ADAMTS16: variants seen among roughly 807,000 people sequenced by gnomAD.
ADAMTS16 encodes the protein A disintegrin and metalloproteinase with thrombospondin motifs 16.
ADAMTS16 carries 94 observed loss-of-function variants against 145.8 expected under a neutral mutation model. That is an observed-to-expected ratio of 0.64 (90% confidence interval 0.55 to 0.77). The LOEUF is 0.77. Among genes scored for constraint, ADAMTS16 ranks in the 30% least tolerant of loss-of-function variants. The pLI is 0.00. For synonymous variants in ADAMTS16, 659 were observed against 604.3 expected (o/e 1.09, Z -1.33); for missense variants, 1,585 against 1,591.5 (o/e 1.00, Z 0.07).
intron 2 of ADAMTS16, among the ~76,000 whole-genome samples, chr5:5,144,369 T>A (rs1842235): frequency 0.99 from 151,288 of 152,336 alleles, 75,146 homozygotes; most frequent in Middle Eastern, 1. Flanking sequence ...AGCTCATTAT[T>A]TGATCAACTT....
chr5:5,209,387 C>A, intron 10 of ADAMTS16, 141 bp downstream of exon 10: 2 of 988,030 alleles, frequency 2.0e-6, no homozygotes, highest in Non-Finnish European at 2.9e-6. Context: ...TCCTGTATAA[C>A]GGGAAACACA....
intron 10 of ADAMTS16, among the ~76,000 whole-genome samples, chr5:5,215,607 T>C (rs566003465): frequency 6.6e-6 from 1 of 151,714 alleles, no homozygotes; most frequent in South Asian, 2.1e-4. Flanking sequence ...ATTCCTGAGC[T>C]ACTTCACTTG....
intron 10 of ADAMTS16, among the ~76,000 whole-genome samples, chr5:5,222,432 G>A (rs759780102): frequency 2.6e-5 from 4 of 152,094 alleles, no homozygotes; most frequent in Non-Finnish European, 4.4e-5. Context: ...GGAAGGTGGG[G>A]TTGAGAAGGA....
chr5:5,285,713 G>C (rs1002649624), intron 18 of ADAMTS16, among the ~76,000 whole-genome samples: 1 of 152,194 alleles, frequency 6.6e-6, no homozygotes, highest in African/African-American at 2.4e-5. Flanking sequence ...ATGGTTCAGA[G>C]ACTTGCAATA....
At chr5:5,279,665 T>G (rs1738824315) in intron 18 of ADAMTS16, among the ~76,000 whole-genome samples, 1 of 136,308 alleles carries the variant, frequency 7.3e-6, no homozygotes, top group African/African-American at 2.6e-5. Context: ...TCTCTTTGTC[T>G]TTTTATCTTG....
intron 10 of ADAMTS16, among the ~76,000 whole-genome samples, chr5:5,209,503 T>C (rs1199913946): frequency 2.6e-5 from 4 of 152,172 alleles, no homozygotes; most frequent in African/African-American, 9.7e-5. Context: ...TGATTTATCG[T>C]GTGGGAGCTC....
chr5:5,256,728 A>C (rs1737795678), intron 17 of ADAMTS16, among the ~76,000 whole-genome samples: 1 of 152,242 alleles, frequency 6.6e-6, no homozygotes, highest in South Asian at 2.1e-4. Flanking sequence ...ATGATCATAA[A>C]GGCATGACTC....
intron 8 of ADAMTS16, among the ~76,000 whole-genome samples, chr5:5,198,942 T>C (rs1392818155): frequency 6.6e-6 from 1 of 152,186 alleles, no homozygotes. Context: ...CTTCCCCCTT[T>C]TCTCTGCATC....
intron 11 of ADAMTS16, among the ~76,000 whole-genome samples, chr5:5,228,064 A>G (rs1736819256): frequency 6.6e-6 from 1 of 152,252 alleles, no homozygotes; most frequent in African/African-American, 2.4e-5. Context: ...CTTACATTAA[A>G]AAGGATAAAC....
chr5:5,168,455 A>G (rs1430155953), intron 3 of ADAMTS16, among the ~76,000 whole-genome samples: 2 of 145,188 alleles, frequency 1.4e-5, no homozygotes, highest in Non-Finnish European at 3.0e-5. Context: ...GTTAATGCCT[A>G]GTTTATTTAT....
chr5:5,263,952 G>A lies in ADAMTS16; in HGVS notation c.2789+1169G>A, dbSNP rs544230485. The stretch of plus-strand genomic sequence containing the variant: ...GTGAGGGCGGAGAATTTTATCAAGC[G>A]ATAAAAATAGCTCTCAGCAGAGAGG... On this transcript the variant is annotated intron_variant, in intron 18 of 22. Coordinates refer to ENST00000274181, the MANE Select transcript of ADAMTS16 (RefSeq NM_139056.4). 1.2e-4 allele frequency among the ~76,000 whole-genome samples: 18 copies of A among 152,180 alleles called. No homozygotes were observed. The East Asian group carries it at 1.4e-3, about 11-fold the overall frequency.
intron 1 of ADAMTS16, 47 bp from the exon 2 acceptor site, chr5:5,140,617 C>T (rs755792734): frequency 1.3e-4 from 204 of 1,525,884 alleles, no homozygotes; most frequent in Non-Finnish European, 1.7e-4. Context: ...GGCTCCTCTC[C>T]CGCGGACCCC....
chr5:5,237,711 C>T (rs1400446906), intron 14 of ADAMTS16, among the ~76,000 whole-genome samples: 3 of 152,004 alleles, frequency 2.0e-5, no homozygotes, highest in Non-Finnish European at 4.4e-5. Flanking sequence ...AGAGCCTGGG[C>T]CACTTCGCAG....
At chr5:5,146,965 G>C (rs1299168727) in intron 3 of ADAMTS16, among the ~76,000 whole-genome samples, 1 of 152,118 alleles carries the variant, frequency 6.6e-6, no homozygotes, top group Non-Finnish European at 1.5e-5. Flanking sequence ...GGGCGTTGCT[G>C]GTCTTCCTGG....
At position 5,319,996 on chromosome 5, in the gene ADAMTS16, G is replaced by T. The variant is rs1431688166; in HGVS notation, c.*858G>T. ...CCCTACCATCCTGAGAAGAGTTATG[G>T]TTCTATTATAGCAGACGTCAGCCAC... On this transcript the variant is annotated 3_prime_UTR_variant, in exon 23 of 23. Transcript: ENST00000274181. 2 of 448,424 alleles carry T rather than the reference G, an allele frequency of 4.5e-6. No homozygotes were observed. Among genetic ancestry groups the T allele is most frequent in the African/African-American group, 4.1e-5 (2 of 49,340 alleles). The allele number at this position is 448,424 out of a possible 1,614,324, so 27.8% of individuals were successfully genotyped here. A position where few individuals can be genotyped will look rare whatever the true frequency, so the allele number is the denominator to read the frequency against.
chr5:5,155,307 A>ATTCCTATCCCTGTTTCCCAC (rs1238077190), intron 3 of ADAMTS16, among the ~76,000 whole-genome samples: 2 of 152,152 alleles, frequency 1.3e-5, no homozygotes, highest in African/African-American at 4.8e-5. Context: ...TCCCTGTTTC[A>ATTCCTATCCCTGTTTCCCAC]TTCCTATCCC....
chr5:5,252,084 C>T (rs1418765257), intron 17 of ADAMTS16, among the ~76,000 whole-genome samples: 5 of 152,288 alleles, frequency 3.3e-5, no homozygotes, highest in South Asian at 4.1e-4. Flanking sequence ...CTCCTGACTT[C>T]GTGATCCGCC....
At chr5:5,227,159 C>T (rs536216862) in intron 11 of ADAMTS16, among the ~76,000 whole-genome samples, 153 of 152,386 alleles carry the variant, frequency 1.0e-3, no homozygotes, top group African/African-American at 3.5e-3. Flanking sequence ...CCAGGTCACG[C>T]AGCTCGCAGA....
At chr5:5,213,303 G>C (rs189135982) in intron 10 of ADAMTS16, among the ~76,000 whole-genome samples, 1 of 152,094 alleles carries the variant, frequency 6.6e-6, no homozygotes, top group Admixed American at 6.5e-5. Flanking sequence ...ATTCTAGCAC[G>C]TATCTGCTAG....
Sources: allele counts gnomAD v4.1 joint callset (sites outside exome capture counted in the v4.1 genomes callset), GRCh38; gene constraint gnomAD v4.1.1; transcripts MANE v1.5; gene names NCBI Gene and HGNC (gene_info 2026-07-23, HGNC 2026-07-21).